TRIM60: variants seen among roughly 807,000 people sequenced by gnomAD.
The protein encoded by TRIM60 is tripartite motif containing 60.
For synonymous variants in TRIM60, 189 were observed against 195.2 expected, an observed-to-expected ratio of 0.97 and a Z score of 0.27; for missense variants, 524 against 540.8, an observed-to-expected ratio of 0.97 and a Z score of 0.31.
At chr4:165,038,317 A>C (rs73005801) in intron 1 of TRIM60, among the ~76,000 whole-genome samples, 7,942 of 152,174 alleles carry the variant, frequency 0.052, 581 homozygotes, top group African/African-American at 0.16. Flanking sequence ...GTCCTATACT[A>C]TCTACTTTAT....
chr4:165,040,711 AG>A lies in TRIM60; in HGVS notation c.640del (p.Ala214GlnfsTer3). On this transcript the variant is annotated frameshift_variant, in exon 3 of 3. Coordinates refer to ENST00000512596, the MANE Select transcript of TRIM60 (RefSeq NM_152620.3). LOFTEE classifies it low-confidence loss of function (END_TRUNC). Reference protein sequence around the residue: ...QIQDEEMNILAKLNENLVELS... With the variant: ...QIQDEEMNILXKLNENLVELS... ...TACAAGATGAAGAGATGAACATTTT[AG>A]CAAAACTAAATGAAAACCTTGTAGA... 1 of 1,613,966 alleles carries A rather than the reference AG, an allele frequency of 6.2e-7. No homozygotes were observed.
rs1203019154 is a variant in TRIM60, at chr4:165,040,585, G to A, written c.513G>A (p.Glu171=). 5 of 1,614,032 alleles carry A rather than the reference G, an allele frequency of 3.1e-6. No individual in the cohort carries two copies. The highest frequency in any genetic ancestry group is 4.2e-6 in the Non-Finnish European group (5 of 1,180,034). Residue 171 remains glutamate, a synonymous_variant, in exon 3 of 3, where the codon GAG becomes GAA. Transcript: ENST00000512596. ...VIILQGSKSV[E]LKKKVEYKRE... is the part of the protein sequence containing the mutation. ...TTCTGCAAGGCAGCAAATCAGTGGA[G>A]CTGAAAAAGAAGGTAGAATATAAGA...
chr4:165,040,496 G>C lies in TRIM60; in HGVS notation c.424G>C (p.Glu142Gln), dbSNP rs546107573. 6.2e-7 allele frequency: 1 copy of C among 1,613,996 alleles called. No individual in the cohort carries two copies. The highest frequency in any genetic ancestry group is 1.1e-5 in the South Asian group (1 of 91,076). ...PIKKAASYHR[E>Q]ILEGSLEPLR... ...TAAGAAAGCTGCCTCTTATCACAGA[G>C]AAATTCTAGAAGGTAGCCTTGAGCC... is the stretch of plus-strand genomic sequence containing the variant. The change falls in exon 3 of 3, where the codon GAA (glutamate) becomes CAA (glutamine). Residue 142 changes from glutamate (E) to glutamine (Q), a missense_variant. Coordinates refer to ENST00000512596, the MANE Select transcript of TRIM60 (RefSeq NM_152620.3).
rs1053767236 is a variant in TRIM60, at chr4:165,032,035, G to A, written c.-134G>A. ...ACCAAGGCGCCCAGGGTTGTGTGAG[G>A]GTTTCCGCTCTGCGCCCCGCGGGGT... On this transcript the variant is annotated 5_prime_UTR_variant, in exon 1 of 3. Coordinates refer to ENST00000512596, the MANE Select transcript of TRIM60 (RefSeq NM_152620.3). 3.3e-5 allele frequency: 5 copies of A among 152,326 alleles called. No homozygotes were observed. Among genetic ancestry groups the A allele is most frequent in the African/African-American group, 1.2e-4 (5 of 41,466 alleles). The allele number at this position is 152,326 out of a possible 1,614,324, so 9.4% of individuals were successfully genotyped here. A position where few individuals can be genotyped will look rare whatever the true frequency, so the allele number is the denominator to read the frequency against.
intron 1 of TRIM60, among the ~76,000 whole-genome samples, chr4:165,033,464 A>G (rs1203814635): frequency 6.6e-6 from 1 of 152,220 alleles, no homozygotes; most frequent in Non-Finnish European, 1.5e-5. Context: ...CTCAACTGTA[A>G]TCTGCAGTAT....
Position 165,040,071 on chromosome 4 carries a change from C to T in TRIM60, c.-2C>T, listed in dbSNP as rs879117856. The T allele has an allele frequency of 1.4e-5, 22 of 1,610,578 alleles. No individual in the cohort carries two copies. The highest frequency in any genetic ancestry group is 1.9e-5 in the Non-Finnish European group (22 of 1,179,148). ...TTATGCATTACCTTTGTTCGCAGCTCGATGGAGTTTGTGACAGCCCTGGTG... is the reference window on the plus strand; with the variant it reads ...TTATGCATTACCTTTGTTCGCAGCTTGATGGAGTTTGTGACAGCCCTGGTG... On this transcript the variant is annotated splice_region_variant and 5_prime_UTR_variant, in exon 3 of 3. Coordinates refer to ENST00000512596, the MANE Select transcript of TRIM60 (RefSeq NM_152620.3).
rs1354393167 is a variant in TRIM60, at chr4:165,040,512, GCCTTGAGC to G, written c.448_455del (p.Pro150GlufsTer2). On this transcript the variant is annotated frameshift_variant, in exon 3 of 3. Transcript: ENST00000512596. LOFTEE classifies it low-confidence loss of function (END_TRUNC). ...TATCACAGAGAAATTCTAGAAGGTA[GCCTTGAGC>G]CCTTGAGGAATAATATAGAACGAGT... The G allele has an allele frequency of 6.2e-7, 1 of 1,613,952 alleles. No homozygotes were observed. Among genetic ancestry groups the G allele is most frequent in the Non-Finnish European group, 8.5e-7 (1 of 1,180,026 alleles).
chr4:165,039,661 G>A (rs370427076), intron 2 of TRIM60: 2 of 153,690 alleles, frequency 1.3e-5, no homozygotes, highest in Non-Finnish European at 1.4e-5. Context: ...AGCCGGGCGC[G>A]GTGGCGGGCG....
chr4:165,032,271 C>T (rs1733519371), intron 1 of TRIM60, among the ~76,000 whole-genome samples, 159 bp downstream of exon 1: 1 of 152,154 alleles, frequency 6.6e-6, no homozygotes, highest in Admixed American at 6.5e-5. Context: ...GTTTCTGAGA[C>T]GGAGTCTCGC....
At chr4:165,036,135 C>G (rs1733616557) in intron 1 of TRIM60, among the ~76,000 whole-genome samples, 2 of 152,188 alleles carry the variant, frequency 1.3e-5, no homozygotes, top group Admixed American at 1.3e-4. Flanking sequence ...TTGCAAGCAA[C>G]CTTCTAAGGG....
chr4:165,037,514 G>T (rs1432101468), intron 1 of TRIM60, among the ~76,000 whole-genome samples: 1 of 151,780 alleles, frequency 6.6e-6, no homozygotes, highest in African/African-American at 2.4e-5. Context: ...TAGTAGAGAT[G>T]GGGATTCACC....
At chr4:165,034,429 G>A (rs1733573489) in intron 1 of TRIM60, among the ~76,000 whole-genome samples, 2 of 152,176 alleles carry the variant, frequency 1.3e-5, no homozygotes, top group South Asian at 4.1e-4. Flanking sequence ...TGGGATTACA[G>A]GCGTGAGCCA....
rs1357451705 is a variant in TRIM60 at position 165,041,618 on chromosome 4, A to G, written c.*130A>G. ...TTTTTCTCCTAAATTTTTGGCAACT[A>G]TAAGATGTTCATAATGCCACTTTCA... On this transcript the variant is annotated 3_prime_UTR_variant, in exon 3 of 3. Transcript: ENST00000512596. 1.1e-5 allele frequency: 6 copies of G among 540,100 alleles called. No homozygotes were observed. The highest frequency in any genetic ancestry group is 5.7e-5 in the African/African-American group (3 of 52,560). The allele number at this position is 540,100 out of a possible 1,614,324, so 33.5% of individuals were successfully genotyped here. A position where few individuals can be genotyped will look rare whatever the true frequency, so the allele number is the denominator to read the frequency against.
chr4:165,038,556 G>C (rs550174591), intron 1 of TRIM60, among the ~76,000 whole-genome samples: 1 of 149,792 alleles, frequency 6.7e-6, no homozygotes, highest in Non-Finnish European at 1.5e-5. Context: ...GCCTGTGGTC[G>C]TGGTTACTCT....
At chr4:165,037,099 G>T (rs1359121975) in intron 1 of TRIM60, among the ~76,000 whole-genome samples, 1 of 151,506 alleles carries the variant, frequency 6.6e-6, no homozygotes, top group African/African-American at 2.4e-5. Context: ...GCTACTTGAG[G>T]CTGAGTCAGG....
intron 1 of TRIM60, among the ~76,000 whole-genome samples, chr4:165,032,991 C>T (rs1289805022): frequency 6.8e-6 from 1 of 148,104 alleles, no homozygotes; most frequent in African/African-American, 2.5e-5. Context: ...AGCTCACGCT[C>T]GTGCCTGGGC....
At chr4:165,039,941 G>A (rs1733713206) in intron 2 of TRIM60, 128 bp from the exon 3 acceptor site, 7 of 666,236 alleles carry the variant, frequency 1.1e-5, no homozygotes, top group Non-Finnish European at 1.8e-5. Flanking sequence ...AGCATGCTAG[G>A]CTAGTGAAAC....
In TRIM60 at chr4:165,040,287, G is replaced by A. The variant is rs113699428; in HGVS notation, c.215G>A (p.Arg72His). The A allele has an allele frequency of 8.1e-6, 13 of 1,614,164 alleles. No homozygotes were observed. The African/African-American group carries it at 9.3e-5, about 12-fold the overall frequency. ...AGCTTCAGGAGGAACCCCCAGCTCC[G>A]TAATTTGACTGAAATTGCTAAACAA... ...YKSFRRNPQL[R>H]NLTEIAKQLQ... The change falls in exon 3 of 3, where the codon CGT becomes CAT. Residue 72 changes from arginine (R) to histidine (H), a missense_variant. By Grantham distance (29) the Arg-to-His change is conservative (BLOSUM62 0). Coordinates refer to ENST00000512596, the MANE Select transcript of TRIM60 (RefSeq NM_152620.3).
chr4:165,033,452 ATC>A lies in TRIM60; in HGVS notation c.-57+1343_-57+1344del, dbSNP rs1733552390. 2.0e-5 allele frequency among the ~76,000 whole-genome samples: 3 copies of A among 152,202 alleles called. No individual in the cohort carries two copies. The South Asian group carries it at 6.2e-4, about 31-fold the overall frequency. ...AAGGTTGACAAAAATAAATGTAAAAATCTCAACTGTAATCTGCAGTATGATAG... is the reference window on the plus strand; with the variant it reads ...AAGGTTGACAAAAATAAATGTAAAAATCAACTGTAATCTGCAGTATGATAG... On this transcript the variant is annotated intron_variant, in intron 1 of 2. Coordinates refer to ENST00000512596, the MANE Select transcript of TRIM60 (RefSeq NM_152620.3).
Sources: allele counts gnomAD v4.1 joint callset (sites outside exome capture counted in the v4.1 genomes callset), GRCh38; gene constraint gnomAD v4.1.1; transcripts MANE v1.5; gene names NCBI Gene and HGNC (gene_info 2026-07-23, HGNC 2026-07-21).